The following ASTN2 variants were observed in gnomAD, a reference collection of about 807,000 sequenced individuals.
The protein encoded by ASTN2 is astrotactin 2, also known as astrotactin-2.
A neutral mutation model predicts 139.8 loss-of-function variants in ASTN2; 54 were observed. The observed-to-expected ratio is 0.39, with a 90% CI of 0.31 to 0.48. The LOEUF is 0.48. Among genes scored for constraint, ASTN2 ranks in the 20% least tolerant of loss-of-function variants. The pLI is 0.95. For missense variants in ASTN2, 1,565 were observed against 1,725.1 expected (o/e 0.91, Z 1.64); for synonymous variants, 756 against 719.5 (o/e 1.05, Z -0.81).
chr9:117,326,640 T>C (rs1265959614), intron 1 of ASTN2, among the ~76,000 whole-genome samples: 2 of 152,192 alleles, frequency 1.3e-5, no homozygotes, highest in East Asian at 3.9e-4. Context: ...CCCACTTCTG[T>C]ATTAGAGGAT....
intron 13 of ASTN2, among the ~76,000 whole-genome samples, chr9:116,765,241 T>G (rs549608860): frequency 1.3e-5 from 2 of 152,210 alleles, no homozygotes; most frequent in South Asian, 4.2e-4. Context: ...TCTCCTTCTC[T>G]CTCTGCATTC....
At chr9:116,681,725 T>C (rs1859880451) in intron 16 of ASTN2, among the ~76,000 whole-genome samples, 1 of 152,094 alleles carries the variant, frequency 6.6e-6, no homozygotes. Flanking sequence ...ACACCGCATA[T>C]CTACAACTAT....
chr9:117,151,117 C>A (rs2132879636), intron 3 of ASTN2, among the ~76,000 whole-genome samples: 1 of 152,212 alleles, frequency 6.6e-6, no homozygotes, highest in East Asian at 1.9e-4. Context: ...CCCACTTCAG[C>A]CTCTTGAGTA....
At chr9:116,716,705 T>C (rs1332924096) in intron 16 of ASTN2, among the ~76,000 whole-genome samples, 2 of 152,118 alleles carry the variant, frequency 1.3e-5, no homozygotes, top group Non-Finnish European at 2.9e-5. Flanking sequence ...CAGGCCTGAC[T>C]ATGTGATTGC....
intron 13 of ASTN2, among the ~76,000 whole-genome samples, chr9:116,770,314 T>C (rs1462847564): frequency 6.6e-6 from 1 of 152,134 alleles, no homozygotes; most frequent in African/African-American, 2.4e-5. Flanking sequence ...TATTCAGATC[T>C]AGGGGTCTAT....
At chr9:116,976,667 C>A (rs1031549602) in intron 8 of ASTN2, 34 bp downstream of exon 8, 3 of 1,597,234 alleles carry the variant, frequency 1.9e-6, no homozygotes, top group Non-Finnish European at 1.7e-6. Context: ...GTGGGTCCTG[C>A]ACTGTCCTGG....
intron 13 of ASTN2, among the ~76,000 whole-genome samples, chr9:116,787,885 A>T (rs1216876661): frequency 6.6e-6 from 1 of 152,242 alleles, no homozygotes; most frequent in Non-Finnish European, 1.5e-5. Context: ...TAATTATAAC[A>T]AATGTACCAT....
Position 117,008,078 on chromosome 9 carries a change from C to G in ASTN2, c.1591+14G>C. ...CTCCCACCTTCTATCCCCATCCCGGCTCCCATGGCTCACCGGTTTCTGGGT... is the reference window on the plus strand; with the variant it reads ...CTCCCACCTTCTATCCCCATCCCGGGTCCCATGGCTCACCGGTTTCTGGGT... On this transcript the variant is annotated intron_variant, in intron 7 of 22. Transcript: ENST00000313400. 3.8e-6 allele frequency: 6 copies of G among 1,569,660 alleles called. No individual in the cohort carries two copies. Among genetic ancestry groups the G allele is most frequent in the Non-Finnish European group, 4.3e-6 (5 of 1,155,520 alleles).
chr9:116,737,467 A>ATGTGTG (rs72243746), intron 13 of ASTN2, among the ~76,000 whole-genome samples: 2,508 of 148,226 alleles, frequency 0.017, 53 homozygotes, highest in African/African-American at 0.051. Context: ...GTGTGTGTGA[A>ATGTGTG]TGTGTGTGTG....
At chr9:116,513,117 A>G (rs1335919438) in intron 19 of ASTN2, among the ~76,000 whole-genome samples, 2 of 152,084 alleles carry the variant, frequency 1.3e-5, no homozygotes, top group Non-Finnish European at 2.9e-5. Context: ...ACAATTTGGC[A>G]TGTTTTTGTA....
intron 5 of ASTN2, among the ~76,000 whole-genome samples, chr9:117,084,800 TGCTG>T (rs1828520047): frequency 6.6e-6 from 1 of 152,238 alleles, no homozygotes; most frequent in African/African-American, 2.4e-5. Flanking sequence ...TGGTTCTCGA[TGCTG>T]GCTAATATTA....
intron 5 of ASTN2, among the ~76,000 whole-genome samples, chr9:117,043,919 A>AAGAAAAG (rs148691438): frequency 6.8e-6 from 1 of 147,604 alleles, no homozygotes; most frequent in Non-Finnish European, 1.5e-5. Flanking sequence ...AAAAAAAAAA[A>AAGAAAAG]AAAAGAAAAG....
chr9:117,139,080 G>A (rs951299477), intron 4 of ASTN2, among the ~76,000 whole-genome samples: 1 of 152,188 alleles, frequency 6.6e-6, no homozygotes, highest in African/African-American at 2.4e-5. Context: ...TTGGAGTCAA[G>A]AGTGTTTATG....
At chr9:117,086,298 G>T (rs905953659) in intron 5 of ASTN2, among the ~76,000 whole-genome samples, 1 of 152,182 alleles carries the variant, frequency 6.6e-6, no homozygotes, top group East Asian at 1.9e-4. Flanking sequence ...GTCTTGGCCG[G>T]GTGCGGTGGC....
At chr9:117,337,898 T>G (rs1348172469) in intron 1 of ASTN2, among the ~76,000 whole-genome samples, 1 of 152,122 alleles carries the variant, frequency 6.6e-6, no homozygotes, top group Non-Finnish European at 1.5e-5. Flanking sequence ...GTACAATAAA[T>G]TAGCTCACCT....
intron 10 of ASTN2, among the ~76,000 whole-genome samples, chr9:116,906,875 T>C (rs1401817937): frequency 1.3e-5 from 2 of 152,178 alleles, no homozygotes; most frequent in East Asian, 3.9e-4. Flanking sequence ...TTTATATTAT[T>C]ATCAATAAAT....
intron 19 of ASTN2, among the ~76,000 whole-genome samples, chr9:116,492,868 T>C (rs945582800): frequency 6.6e-6 from 1 of 152,088 alleles, no homozygotes; most frequent in Non-Finnish European, 1.5e-5. Flanking sequence ...GATTATAACA[T>C]AGAGAACTCC....
At chr9:117,006,523 G>A (rs373315609) in intron 7 of ASTN2, among the ~76,000 whole-genome samples, 6 of 151,988 alleles carry the variant, frequency 3.9e-5, no homozygotes, top group African/African-American at 1.5e-4. Context: ...TTACCTCCAT[G>A]GTCCAAGCCA....
At chr9:117,308,118 G>A (rs769663450) in intron 1 of ASTN2, among the ~76,000 whole-genome samples, 2 of 152,122 alleles carry the variant, frequency 1.3e-5, no homozygotes, top group Non-Finnish European at 2.9e-5. Flanking sequence ...CCAGCTCCAG[G>A]CGGCCCAGTG....
Sources: gnomAD v4.1 joint callset for allele counts (sites outside exome capture counted in the v4.1 genomes callset) on GRCh38, gnomAD v4.1.1 for gene constraint, MANE v1.5 for transcripts, NCBI Gene and HGNC (gene_info 2026-07-23, HGNC 2026-07-21) for gene names.